FIBCD1: variants seen among roughly 807,000 people sequenced by gnomAD.
The protein encoded by FIBCD1 is fibrinogen C domain-containing protein 1.
Under a neutral mutation model 45.1 loss-of-function variants are expected in FIBCD1, and 47 were observed. The observed-to-expected ratio is 1.04, with a 90% CI of 0.82 to 1.33. The LOEUF is 1.33. Among genes scored for constraint, FIBCD1 ranks in the 40% most tolerant of loss-of-function variants. The pLI is 0.00. For synonymous variants in FIBCD1, 313 were observed against 308.1 expected (o/e 1.02, Z -0.17); for missense variants, 653 against 682.2 (o/e 0.96, Z 0.48).
intron 5 of FIBCD1, among the ~76,000 whole-genome samples, chr9:130,907,673 GCAGATCA>G (rs1831953674): frequency 6.6e-6 from 1 of 152,186 alleles, no homozygotes; most frequent in South Asian, 2.1e-4. Context: ...GCCGAGACGG[GCAGATCA>G]CGAGGTCAGG....
Sources: gnomAD v4.1 joint callset for allele counts (sites outside exome capture counted in the v4.1 genomes callset) on GRCh38, gnomAD v4.1.1 for gene constraint, MANE v1.5 for transcripts, NCBI Gene and HGNC (gene_info 2026-07-23, HGNC 2026-07-21) for gene names.